Variants in EPB41L5 observed in about 807,000 individuals in gnomAD.
The protein encoded by EPB41L5 is erythrocyte membrane protein band 4.1 like 5.
A neutral mutation model predicts 106.6 loss-of-function variants in EPB41L5; 55 were observed. That is an observed-to-expected ratio of 0.52 (90% CI 0.42 to 0.65). EPB41L5 has a LOEUF of 0.65. Ranked by LOEUF, EPB41L5 falls within the 30% of genes least tolerant of loss-of-function variation. The pLI is 0.00. For missense variants in EPB41L5, 871 were observed against 882.1 expected, an observed-to-expected ratio of 0.99 and a Z score of 0.16; for synonymous variants, 297 against 306.7, an observed-to-expected ratio of 0.97 and a Z score of 0.33.
At chr2:120,130,807 A>C (rs979009343) in intron 17 of EPB41L5, among the ~76,000 whole-genome samples, 3 of 152,208 alleles carry the variant, frequency 2.0e-5, no homozygotes, top group African/African-American at 4.8e-5. Flanking sequence ...CAGTTAATTG[A>C]TGGCCACTTT....
chr2:120,116,338 C>A (rs1000515863), intron 16 of EPB41L5, among the ~76,000 whole-genome samples: 6 of 152,154 alleles, frequency 3.9e-5, no homozygotes, highest in Non-Finnish European at 8.8e-5. Context: ...ATCCAGCTTT[C>A]ACAATGATTC....
chr2:120,139,535 C>G (rs1015294201), intron 18 of EPB41L5, among the ~76,000 whole-genome samples: 3 of 151,962 alleles, frequency 2.0e-5, no homozygotes, highest in African/African-American at 7.2e-5. Context: ...ATAGACATTT[C>G]CCAAAAGAAG....
intron 2 of EPB41L5, among the ~76,000 whole-genome samples, chr2:120,023,412 T>C (rs895134381): frequency 3.9e-5 from 6 of 152,198 alleles, no homozygotes; most frequent in African/African-American, 1.4e-4. Context: ...GCTAGCCAGT[T>C]TTCCCAATAC....
chr2:120,129,407 G>T (rs1685602532), intron 17 of EPB41L5, among the ~76,000 whole-genome samples: 1 of 151,956 alleles, frequency 6.6e-6, no homozygotes, highest in Non-Finnish European at 1.5e-5. Flanking sequence ...AAAGAATTGA[G>T]ACCATAGCAA....
chr2:120,090,972 A>G (rs1683369525), intron 12 of EPB41L5, among the ~76,000 whole-genome samples: 1 of 152,152 alleles, frequency 6.6e-6, no homozygotes, highest in African/African-American at 2.4e-5. Context: ...AGAGTGGATT[A>G]TTGGTTGTGA....
rs1688002568 is a variant in EPB41L5, at chr2:120,178,826, T to A, written c.*3919T>A. ...TTCAGTTACTTGTCAGGATTTCTCC[T>A]CTTCAGAGAGATTTTTTTTTATAGC... On this transcript the variant is annotated 3_prime_UTR_variant, in exon 25 of 25. Coordinates refer to ENST00000263713, the MANE Select transcript of EPB41L5 (RefSeq NM_020909.4). The A allele has an allele frequency of 6.6e-6, 1 of 152,252 alleles. No individual in the cohort carries two copies. The highest frequency in any genetic ancestry group is 1.5e-5 in the Non-Finnish European group (1 of 68,040). The allele number at this position is 152,252 out of a possible 1,614,324, so 9.4% of individuals were successfully genotyped here.
At chr2:120,091,489 T>C in intron 12 of EPB41L5, 66 bp from the exon 13 acceptor site, 1 of 1,089,368 alleles carries the variant, frequency 9.2e-7, no homozygotes, top group Non-Finnish European at 1.4e-6. Context: ...ATGTGGACTG[T>C]CTTATTTGTG....
intron 18 of EPB41L5, among the ~76,000 whole-genome samples, chr2:120,142,113 TAAAAAA>T (rs59204598): frequency 0.61 from 86,858 of 143,316 alleles, 28,566 homozygotes; most frequent in Non-Finnish European, 0.73. Context: ...CTTTCTTTTT[TAAAAAA>T]AAAAAAAAAA....
chr2:120,104,626 T>G, intron 16 of EPB41L5: 1 of 988,798 alleles, frequency 1.0e-6, no homozygotes, highest in Non-Finnish European at 1.2e-6. Context: ...TCAGACACAC[T>G]AAAAACACAG....
At chr2:120,132,952 A>G (rs1219874147) in intron 18 of EPB41L5, among the ~76,000 whole-genome samples, 2 of 152,122 alleles carry the variant, frequency 1.3e-5, no homozygotes, top group African/African-American at 4.8e-5. Flanking sequence ...TCTTTGTAAA[A>G]TGTCCTGCTT....
At chr2:120,168,069 A>G (rs1687496263) in intron 24 of EPB41L5, 62 bp downstream of exon 24, 36 of 1,551,430 alleles carry the variant, frequency 2.3e-5, no homozygotes, top group Non-Finnish European at 3.2e-5. Context: ...AAAATAATAA[A>G]ACTTATTATC....
intron 3 of EPB41L5, among the ~76,000 whole-genome samples, chr2:120,069,625 C>T (rs531114634): frequency 2.7e-4 from 41 of 152,274 alleles, no homozygotes; most frequent in African/African-American, 9.6e-4. Flanking sequence ...GTCTCTCAGA[C>T]CACAGTGCAA....
At chr2:120,173,581 TAG>T (rs1687785276) in intron 24 of EPB41L5, among the ~76,000 whole-genome samples, 1 of 152,240 alleles carries the variant, frequency 6.6e-6, no homozygotes, top group African/African-American at 2.4e-5. Flanking sequence ...AAAGTAGGAA[TAG>T]AGAGTGGTAC....
chr2:120,104,501 C>T (rs901912364), intron 16 of EPB41L5: 17 of 1,124,168 alleles, frequency 1.5e-5, no homozygotes, highest in African/African-American at 1.6e-5. Context: ...AGTTTTCAGA[C>T]CTTAGTATGT....
intron 20 of EPB41L5, among the ~76,000 whole-genome samples, chr2:120,151,281 C>T (rs1283949055): frequency 2.0e-5 from 3 of 151,670 alleles, no homozygotes; most frequent in Non-Finnish European, 2.9e-5. Flanking sequence ...GCCTGGGCGA[C>T]GGAGCGAGAC....
chr2:120,045,564 ATC>A (rs1272230233), intron 3 of EPB41L5, among the ~76,000 whole-genome samples: 1 of 152,204 alleles, frequency 6.6e-6, no homozygotes, highest in Non-Finnish European at 1.5e-5. Flanking sequence ...TAGTACCACC[ATC>A]TTGTCTCCTT....
intron 3 of EPB41L5, among the ~76,000 whole-genome samples, chr2:120,057,674 A>T (rs1362443010): frequency 4.6e-5 from 7 of 151,990 alleles, no homozygotes; most frequent in Non-Finnish European, 1.0e-4. Flanking sequence ...TTTGTTATTA[A>T]ATCTCATTGT....
At chr2:120,146,002 A>G (rs1350633394) in intron 19 of EPB41L5, among the ~76,000 whole-genome samples, 2 of 152,122 alleles carry the variant, frequency 1.3e-5, no homozygotes, top group Non-Finnish European at 2.9e-5. Flanking sequence ...GATTGTGTGA[A>G]TTTGTATACC....
chr2:120,076,111 A>G (rs1021349530), intron 7 of EPB41L5, among the ~76,000 whole-genome samples: 2 of 152,128 alleles, frequency 1.3e-5, no homozygotes, highest in East Asian at 3.8e-4. Context: ...CCAAACCTAC[A>G]TTTTGTTCAG....
Sources: gnomAD v4.1 joint callset for allele counts (sites outside exome capture counted in the v4.1 genomes callset) on GRCh38, gnomAD v4.1.1 for gene constraint, MANE v1.5 for transcripts, NCBI Gene and HGNC (gene_info 2026-07-23, HGNC 2026-07-21) for gene names.